The following ARL5A variants were observed in gnomAD, a reference collection of about 807,000 sequenced individuals.
The protein encoded by ARL5A is ADP-ribosylation factor-like protein 5A.
Under a neutral mutation model 25.9 loss-of-function variants are expected in ARL5A, and 18 were observed. The observed-to-expected ratio is 0.69, with a 90% CI of 0.48 to 1.03. The LOEUF is 1.03. Among genes scored for constraint, ARL5A ranks in the 50% least tolerant of loss-of-function variants. ARL5A has a pLI of 0.00. For missense variants in ARL5A, 170 were observed against 211.9 expected (o/e 0.80, Z 1.23); for synonymous variants, 61 against 67.5 (o/e 0.90, Z 0.47).
At chr2:151,820,314 TAAAG>T (rs2099832097) in intron 1 of ARL5A, among the ~76,000 whole-genome samples, 1 of 151,988 alleles carries the variant, frequency 6.6e-6, no homozygotes, top group Non-Finnish European at 1.5e-5. Context: ...TGCCTAGAAA[TAAAG>T]AAGGCACACT....
At chr2:151,816,997 C>T (rs1454894612) in intron 1 of ARL5A, among the ~76,000 whole-genome samples, 1 of 152,190 alleles carries the variant, frequency 6.6e-6, no homozygotes, top group African/African-American at 2.4e-5. Flanking sequence ...TGTGTTTTGA[C>T]TTAAGTTACT....
intron 1 of ARL5A, 38 bp downstream of exon 1, chr2:151,828,093 T>A: frequency 6.3e-7 from 1 of 1,596,520 alleles, no homozygotes; most frequent in Non-Finnish European, 8.5e-7. Context: ...GAGCTGACCC[T>A]CTCCCCAACC....
At chr2:151,824,515 T>G (rs527941922) in intron 1 of ARL5A, among the ~76,000 whole-genome samples, 7 of 151,530 alleles carry the variant, frequency 4.6e-5, no homozygotes, top group African/African-American at 1.7e-4. Context: ...ACAACAATAA[T>G]AAGCCAGAAA....
In ARL5A at chr2:151,806,399, T is replaced by C. The variant is rs144992417; in HGVS notation, c.491+422A>G. On this transcript the variant is annotated intron_variant, in intron 5 of 5. Coordinates refer to ENST00000295087, the MANE Select transcript of ARL5A (RefSeq NM_012097.4). ...TTTGAGCTTCTTTATGCAGAAAATA[T>C]CACTTAAAAACAATTACTCTGTAGG... Among the ~76,000 whole-genome samples the C allele has an allele frequency of 3.9e-4, 60 of 152,276 alleles. 1 individual carries two copies. The highest frequency in any genetic ancestry group is 1.4e-3 in the African/African-American group (58 of 41,572).
In ARL5A at chr2:151,801,130, A is replaced by T. The variant is rs545584766; in HGVS notation, c.*2146T>A. On this transcript the variant is annotated 3_prime_UTR_variant, in exon 6 of 6. Transcript: ENST00000295087. ...CACCTTATTTTTAATGTTTACCTTG[A>T]AGGGTAGAAAACAAAATCATGTTTT... 3.3e-5 allele frequency: 5 copies of T among 152,574 alleles called. No individual in the cohort carries two copies. The highest frequency in any genetic ancestry group is 7.4e-5 in the Non-Finnish European group (5 of 68,010). The allele number at this position is 152,574 out of a possible 1,614,324, so 9.5% of individuals were successfully genotyped here. A position where few individuals can be genotyped will look rare whatever the true frequency, so the allele number is the denominator to read the frequency against.
intron 1 of ARL5A, among the ~76,000 whole-genome samples, chr2:151,820,675 A>AC (rs1053540592): frequency 1.3e-5 from 2 of 150,772 alleles, no homozygotes; most frequent in African/African-American, 4.9e-5. Flanking sequence ...AAAAAAAAAA[A>AC]AAAAAAAAAA....
Position 151,828,412 on chromosome 2 carries a change from C to A in ARL5A, c.-236G>T. ...GCCTGGCTCGCGGACATCGCCGCCG[C>A]GTTGTCTGCGACGAGCCTCGCGGGC... On this transcript the variant is annotated 5_prime_UTR_variant, in exon 1 of 6. Coordinates refer to ENST00000295087, the MANE Select transcript of ARL5A (RefSeq NM_012097.4). 1 of 375,308 alleles carries A rather than the reference C, an allele frequency of 2.7e-6. No individual in the cohort carries two copies. The highest frequency in any genetic ancestry group is 4.7e-6 in the Non-Finnish European group (1 of 212,318). The allele number at this position is 375,308 out of a possible 1,614,324, so 23.2% of individuals were successfully genotyped here.
intron 3 of ARL5A, 80 bp from the exon 4 acceptor site, chr2:151,812,520 A>G (rs972736043): frequency 1.9e-5 from 17 of 874,618 alleles, no homozygotes; most frequent in Non-Finnish European, 2.8e-5. Context: ...TTTGACATAC[A>G]GGCTATTAAT....
intron 1 of ARL5A, among the ~76,000 whole-genome samples, chr2:151,825,623 A>G (rs79079261): frequency 0.021 from 3,162 of 152,286 alleles, 42 homozygotes; most frequent in Middle Eastern, 0.031. Context: ...TCTGAGCTTT[A>G]ACTGAAAAAG....
chr2:151,808,576 T>C (rs901112937), intron 4 of ARL5A, among the ~76,000 whole-genome samples: 7 of 152,364 alleles, frequency 4.6e-5, no homozygotes, highest in African/African-American at 1.2e-4. Flanking sequence ...CAGAAAGGAA[T>C]ACTGCTACAA....
intron 1 of ARL5A, among the ~76,000 whole-genome samples, chr2:151,825,108 G>A (rs1282946785): frequency 1.3e-5 from 2 of 152,182 alleles, no homozygotes; most frequent in Non-Finnish European, 1.5e-5. Flanking sequence ...AGTGGAATTT[G>A]TCTGTTTTGT....
chr2:151,819,834 T>C (rs1044001888), intron 1 of ARL5A, among the ~76,000 whole-genome samples: 4 of 151,328 alleles, frequency 2.6e-5, no homozygotes, highest in Non-Finnish European at 4.4e-5. Context: ...GGCAGGTGGA[T>C]CACAAAGTCA....
At chr2:151,807,522 C>T (rs150279216) in intron 4 of ARL5A, among the ~76,000 whole-genome samples, 3 of 152,220 alleles carry the variant, frequency 2.0e-5, no homozygotes, top group East Asian at 1.9e-4. Context: ...CCAAAGAAAA[C>T]GATGAGTGAC....
chr2:151,821,198 C>G (rs1304922868), intron 1 of ARL5A, among the ~76,000 whole-genome samples: 1 of 152,148 alleles, frequency 6.6e-6, no homozygotes, highest in Non-Finnish European at 1.5e-5. Flanking sequence ...TTCTGCCTAC[C>G]TATTTTACAA....
chr2:151,825,297 G>A (rs910070293), intron 1 of ARL5A, among the ~76,000 whole-genome samples: 9 of 152,140 alleles, frequency 5.9e-5, no homozygotes, highest in African/African-American at 1.9e-4. Flanking sequence ...AATGGGGGGA[G>A]GAGGAGGGAG....
chr2:151,818,360 C>T (rs1036126545), intron 1 of ARL5A, among the ~76,000 whole-genome samples: 7 of 152,104 alleles, frequency 4.6e-5, no homozygotes, highest in African/African-American at 1.7e-4. Flanking sequence ...CTCACTGTTG[C>T]CTCAACCTCC....
intron 3 of ARL5A, among the ~76,000 whole-genome samples, chr2:151,813,859 C>G (rs933995874): frequency 1.8e-4 from 28 of 151,936 alleles, no homozygotes; most frequent in African/African-American, 5.3e-4. Context: ...TAAACTCAGT[C>G]AAACATAAAT....
In ARL5A at chr2:151,802,141, T is replaced by C. The variant is rs1378866283; in HGVS notation, c.*1135A>G. Reference sequence around the variant, plus strand: ...AGAAATAAAAAATCTCACACTATATTCCAAGTACCAAAATAAGAAGAAATT... The same window carrying C: ...AGAAATAAAAAATCTCACACTATATCCCAAGTACCAAAATAAGAAGAAATT... On this transcript the variant is annotated 3_prime_UTR_variant, in exon 6 of 6. Coordinates refer to ENST00000295087, the MANE Select transcript of ARL5A (RefSeq NM_012097.4). 1 of 152,042 alleles carries C rather than the reference T, an allele frequency of 6.6e-6. No homozygotes were observed. Among genetic ancestry groups the C allele is most frequent in the African/African-American group, 2.4e-5 (1 of 41,426 alleles). 9.4% of individuals were successfully genotyped at this position (152,042 alleles called of 1,614,324 possible).
At chr2:151,811,900 G>T (rs1323951029) in intron 4 of ARL5A, among the ~76,000 whole-genome samples, 1 of 152,130 alleles carries the variant, frequency 6.6e-6, no homozygotes, top group East Asian at 1.9e-4. Flanking sequence ...AAGAAAATGT[G>T]GCTAGTCATC....
Sources: allele counts gnomAD v4.1 joint callset (sites outside exome capture counted in the v4.1 genomes callset), GRCh38; gene constraint gnomAD v4.1.1; transcripts MANE v1.5; gene names NCBI Gene and HGNC (gene_info 2026-07-23, HGNC 2026-07-21).